ITPR1: variants seen among roughly 807,000 people sequenced by gnomAD.
The protein encoded by ITPR1 is inositol 1,4,5-trisphosphate-gated calcium channel ITPR1.
Under a neutral mutation model 318.4 loss-of-function variants are expected in ITPR1, and 96 were observed. That is an observed-to-expected ratio of 0.30 (90% confidence interval 0.26 to 0.36). ITPR1 has a LOEUF of 0.36. Among genes scored for constraint, ITPR1 ranks in the 10% least tolerant of loss-of-function variants. ITPR1 has a pLI of 1.00. For synonymous variants in ITPR1, 1,312 were observed against 1,289.9 expected (o/e 1.02, Z -0.37); for missense variants, 2,440 against 3,460.2 (o/e 0.71, Z 7.40).
rs923768042 is a variant in ITPR1 at position 4,777,650 on chromosome 3, C to G, written c.6291+276C>G. Among the ~76,000 whole-genome samples the G allele has an allele frequency of 2.0e-5, 3 of 152,076 alleles. No individual in the cohort carries two copies. The East Asian group carries it at 5.8e-4, about 29-fold the overall frequency. On this transcript the variant is annotated intron_variant, in intron 48 of 61. Coordinates refer to ENST00000649015, the MANE Select transcript of ITPR1 (RefSeq NM_001378452.1). ...GCTAAGAAGTGAATCCCAACAGCAT[C>G]GAGTACTAAATACCTTGGTTCTGAA...
At chr3:4,797,331 A>T (rs1210049078) in intron 53 of ITPR1, among the ~76,000 whole-genome samples, 1 of 152,090 alleles carries the variant, frequency 6.6e-6, no homozygotes, top group Non-Finnish European at 1.5e-5. Context: ...TAGAAACAAG[A>T]TCTGGTTTGT....
Position 4,800,612 on chromosome 3 carries a change from T to A in ITPR1, c.7107+12T>A. On this transcript the variant is annotated intron_variant, in intron 54 of 61. Coordinates refer to ENST00000649015, the MANE Select transcript of ITPR1 (RefSeq NM_001378452.1). ...TGGGCGCTTTCAATGTAAGTGTGAA[T>A]ACCTTCCTTGCCACTGTTTTGTTTG... 2 of 1,612,468 alleles carry A rather than the reference T, an allele frequency of 1.2e-6. No individual in the cohort carries two copies. The highest frequency in any genetic ancestry group is 1.7e-6 in the Non-Finnish European group (2 of 1,178,616).
chr3:4,546,061 T>G (rs2084965188), intron 4 of ITPR1, among the ~76,000 whole-genome samples: 1 of 152,188 alleles, frequency 6.6e-6, no homozygotes, highest in South Asian at 2.1e-4. Context: ...AGAACAACTT[T>G]AGAGGTTCGG....
intron 44 of ITPR1, among the ~76,000 whole-genome samples, chr3:4,743,481 C>T (rs866401846): frequency 6.6e-6 from 1 of 152,202 alleles, no homozygotes; most frequent in Non-Finnish European, 1.5e-5. Flanking sequence ...TTCAGTTTCC[C>T]AGTTCGGGGC....
At chr3:4,552,714 C>G (rs1385364349) in intron 4 of ITPR1, among the ~76,000 whole-genome samples, 1 of 152,140 alleles carries the variant, frequency 6.6e-6, no homozygotes, top group African/African-American at 2.4e-5. Context: ...TCAACTTAAC[C>G]TTCAGCCTCT....
intron 48 of ITPR1, among the ~76,000 whole-genome samples, chr3:4,778,410 G>T (rs989563746): frequency 2.6e-5 from 4 of 152,308 alleles, no homozygotes; most frequent in African/African-American, 4.8e-5. Context: ...TGGCTGAAAG[G>T]TTGAGCTGTA....
intron 34 of ITPR1, among the ~76,000 whole-genome samples, chr3:4,699,284 A>T (rs1429368726): frequency 6.6e-6 from 1 of 152,098 alleles, no homozygotes. Flanking sequence ...TTGAACCTGG[A>T]AAATGAAGGC....
At chr3:4,791,860 T>G (rs2047576778) in intron 52 of ITPR1, among the ~76,000 whole-genome samples, 1 of 152,204 alleles carries the variant, frequency 6.6e-6, no homozygotes, top group African/African-American at 2.4e-5. Context: ...CCTGAGAGAT[T>G]GGGGGATGGG....
intron 2 of ITPR1, among the ~76,000 whole-genome samples, chr3:4,498,593 A>G (rs974300335): frequency 1.3e-5 from 2 of 152,208 alleles, no homozygotes; most frequent in African/African-American, 2.4e-5. Context: ...TCCTTTCTGA[A>G]GAGACTCTGG....
At chr3:4,740,235 C>T (rs2043603784) in intron 44 of ITPR1, among the ~76,000 whole-genome samples, 1 of 152,068 alleles carries the variant, frequency 6.6e-6, no homozygotes, top group Non-Finnish European at 1.5e-5. Flanking sequence ...TCAGCCAGGC[C>T]CCCAAGCTGG....
At position 4,818,247 on chromosome 3, in the gene ITPR1, G is replaced by A; in HGVS notation, c.8028+5G>A. On this transcript the variant is annotated splice_donor_5th_base_variant and intron_variant, in intron 60 of 61. Coordinates refer to ENST00000649015, the MANE Select transcript of ITPR1 (RefSeq NM_001378452.1). ...TACGTGGCAGAAATGATCAAGGTGAGTGGAAAGGCCTCCTGGGAGCAAGGT... is the reference window on the plus strand; with the variant it reads ...TACGTGGCAGAAATGATCAAGGTGAATGGAAAGGCCTCCTGGGAGCAAGGT... The A allele has an allele frequency of 6.4e-7, 1 of 1,562,276 alleles. No individual in the cohort carries two copies. The highest frequency in any genetic ancestry group is 8.8e-7 in the Non-Finnish European group (1 of 1,141,166).
intron 2 of ITPR1, among the ~76,000 whole-genome samples, chr3:4,505,844 T>G (rs1022859234): frequency 3.3e-5 from 5 of 152,218 alleles, no homozygotes; most frequent in African/African-American, 1.2e-4. Flanking sequence ...GGCATTGACA[T>G]GTTGAGGTCA....
At chr3:4,553,456 G>T (rs1258429248) in intron 4 of ITPR1, among the ~76,000 whole-genome samples, 1 of 150,822 alleles carries the variant, frequency 6.6e-6, no homozygotes, top group Non-Finnish European at 1.5e-5. Context: ...TTTGAGGGAG[G>T]GTCTTGCTGT....
At chr3:4,562,234 C>T (rs1305986254) in intron 4 of ITPR1, among the ~76,000 whole-genome samples, 1 of 152,152 alleles carries the variant, frequency 6.6e-6, no homozygotes, top group Non-Finnish European at 1.5e-5. Context: ...TTAGATACAG[C>T]TCATCAAAAT....
intron 33 of ITPR1, among the ~76,000 whole-genome samples, chr3:4,694,554 GC>G (rs1234468293): frequency 1.3e-5 from 2 of 152,118 alleles, no homozygotes; most frequent in African/African-American, 4.8e-5. Context: ...ACATCATACA[GC>G]GCACTTACAC....
chr3:4,664,167 C>T (rs1251559365), intron 16 of ITPR1, among the ~76,000 whole-genome samples: 1 of 152,108 alleles, frequency 6.6e-6, no homozygotes, highest in Non-Finnish European at 1.5e-5. Flanking sequence ...ACTCAGAAGG[C>T]CCATATAGGC....
In ITPR1 at chr3:4,800,218, C is replaced by G. The variant is rs994069793; in HGVS notation, c.6932-207C>G. 3.7e-5 allele frequency: 20 copies of G among 536,468 alleles called. No homozygotes were observed. In the African/African-American group the frequency reaches 3.8e-4, roughly 10 times the overall value. The allele number at this position is 536,468 out of a possible 1,614,324, so 33.2% of individuals were successfully genotyped here. On this transcript the variant is annotated intron_variant, in intron 53 of 61. Coordinates refer to ENST00000649015, the MANE Select transcript of ITPR1 (RefSeq NM_001378452.1). The stretch of plus-strand genomic sequence containing the variant: ...GAGATGAATGAGAAGGGAAGAACTT[C>G]CCAGCAGAAGGAGCATGTGTGGAGG...
chr3:4,701,655 C>T (rs116716375), intron 35 of ITPR1, among the ~76,000 whole-genome samples: 6,414 of 152,162 alleles, frequency 0.042, 178 homozygotes, highest in Non-Finnish European at 0.056. Context: ...CCTGCTTTGC[C>T]GTCACTTCTC....
At chr3:4,649,012 T>C (rs997108012) in intron 10 of ITPR1, among the ~76,000 whole-genome samples, 1 of 152,174 alleles carries the variant, frequency 6.6e-6, no homozygotes, top group Non-Finnish European at 1.5e-5. Context: ...TGATGCCCCA[T>C]GGTCCCCACC....
Sources: allele counts gnomAD v4.1 joint callset (sites outside exome capture counted in the v4.1 genomes callset), GRCh38; gene constraint gnomAD v4.1.1; transcripts MANE v1.5; gene names NCBI Gene and HGNC (gene_info 2026-07-23, HGNC 2026-07-21).